The following SPOCK1 variants were observed in gnomAD, a reference collection of about 807,000 sequenced individuals.
SPOCK1 encodes testican-1.
SPOCK1 carries 23 observed loss-of-function variants against 55.3 expected under a neutral mutation model. The observed-to-expected ratio is 0.42, with a 90% CI of 0.30 to 0.59. The LOEUF is 0.59. SPOCK1 is among the 20% of genes least tolerant of loss of function. SPOCK1 has a pLI of 0.22. For missense variants in SPOCK1, 499 were observed against 552.5 expected (o/e 0.90, Z 0.97); for synonymous variants, 226 against 221.0 (o/e 1.02, Z -0.20).
rs148074382 is a variant in SPOCK1 at position 137,388,638 on chromosome 5, A to T, written c.186+109735T>A. Among the ~76,000 whole-genome samples, 373 of 152,182 alleles carry T rather than the reference A, an allele frequency of 2.5e-3. 4 individuals are homozygous for T. The highest frequency in any genetic ancestry group is 8.2e-3 in the African/African-American group (342 of 41,532). On this transcript the variant is annotated intron_variant, in intron 2 of 10. Coordinates refer to ENST00000394945, the MANE Select transcript of SPOCK1 (RefSeq NM_004598.4). ...CACCCCTCCAGTTCAGCTCAACAGC[A>T]TGGATGGACACTCTCACCTTCCAGC...
intron 2 of SPOCK1, among the ~76,000 whole-genome samples, chr5:137,470,279 T>C (rs1753708555): frequency 6.6e-6 from 1 of 152,248 alleles, no homozygotes; most frequent in African/African-American, 2.4e-5. Flanking sequence ...AACATACTTT[T>C]AAATTTTTGC....
intron 2 of SPOCK1, among the ~76,000 whole-genome samples, chr5:137,468,289 T>C (rs762098623): frequency 1.3e-5 from 2 of 152,196 alleles, no homozygotes; most frequent in Admixed American, 6.5e-5. Flanking sequence ...AAAATAAAGA[T>C]GCTTTTCTTT....
chr5:137,452,846 T>C (rs1753284425), intron 2 of SPOCK1, among the ~76,000 whole-genome samples: 2 of 152,172 alleles, frequency 1.3e-5, no homozygotes, highest in Non-Finnish European at 1.5e-5. Flanking sequence ...TCTCAAGAAA[T>C]ATACATTAAA....
intron 5 of SPOCK1, among the ~76,000 whole-genome samples, chr5:137,104,101 A>T (rs1431844894): frequency 6.6e-6 from 1 of 152,164 alleles, no homozygotes; most frequent in African/African-American, 2.4e-5. Context: ...TTCCCACCCA[A>T]ATCTCCTGTT....
chr5:137,424,341 A>C (rs1752563803), intron 2 of SPOCK1, among the ~76,000 whole-genome samples: 1 of 152,228 alleles, frequency 6.6e-6, no homozygotes, highest in Non-Finnish European at 1.5e-5. Flanking sequence ...TGATCATGCC[A>C]CTGCACTCCA....
At chr5:137,282,943 C>T (rs898060260) in intron 2 of SPOCK1, among the ~76,000 whole-genome samples, 2 of 152,234 alleles carry the variant, frequency 1.3e-5, no homozygotes, top group African/African-American at 4.8e-5. Context: ...GCATTAGGTG[C>T]TTAGACCTTT....
At chr5:137,262,749 C>T (rs1466635782) in intron 3 of SPOCK1, among the ~76,000 whole-genome samples, 1 of 152,076 alleles carries the variant, frequency 6.6e-6, no homozygotes. Flanking sequence ...AGTGTAGCTC[C>T]GAGAGCTTCA....
intron 6 of SPOCK1, among the ~76,000 whole-genome samples, chr5:136,999,038 G>C (rs1330162769): frequency 6.6e-6 from 1 of 152,134 alleles, no homozygotes; most frequent in African/African-American, 2.4e-5. Flanking sequence ...CTCTCCACCT[G>C]GCCACCTTTG....
chr5:137,471,968 G>A (rs1753746322), intron 2 of SPOCK1, among the ~76,000 whole-genome samples: 1 of 152,138 alleles, frequency 6.6e-6, no homozygotes, highest in African/African-American at 2.4e-5. Flanking sequence ...GCGCAGGAGA[G>A]GAGAACAGAG....
chr5:137,111,750 C>T (rs186992681), intron 5 of SPOCK1, among the ~76,000 whole-genome samples: 19 of 152,218 alleles, frequency 1.2e-4, no homozygotes, highest in African/African-American at 3.9e-4. Context: ...GGTGAAATGC[C>T]CCTCTAGAAG....
chr5:137,108,598 C>G (rs1169299631), intron 5 of SPOCK1, among the ~76,000 whole-genome samples: 2 of 152,150 alleles, frequency 1.3e-5, no homozygotes, highest in African/African-American at 4.8e-5. Context: ...TTCGGTATAT[C>G]CTACACGGAA....
chr5:137,344,701 G>T (rs1312919461), intron 2 of SPOCK1, among the ~76,000 whole-genome samples: 1 of 152,220 alleles, frequency 6.6e-6, no homozygotes, highest in Non-Finnish European at 1.5e-5. Context: ...CTGCTGTCAA[G>T]CAATGGTTTT....
intron 3 of SPOCK1, among the ~76,000 whole-genome samples, chr5:137,176,795 T>C (rs1015596474): frequency 1.1e-4 from 16 of 152,154 alleles, no homozygotes; most frequent in African/African-American, 3.6e-4. Context: ...AAGCGGTATC[T>C]AGTTGATGAA....
At chr5:137,481,291 A>G (rs774120380) in intron 2 of SPOCK1, among the ~76,000 whole-genome samples, 1 of 152,158 alleles carries the variant, frequency 6.6e-6, no homozygotes, top group Non-Finnish European at 1.5e-5. Flanking sequence ...TATTACAGCT[A>G]TTTACCTGTT....
chr5:137,388,722 A>C (rs1009321161), intron 2 of SPOCK1, among the ~76,000 whole-genome samples: 1 of 152,178 alleles, frequency 6.6e-6, no homozygotes, highest in African/African-American at 2.4e-5. Flanking sequence ...ACCGAACTAG[A>C]AGCTTTTAGC....
chr5:137,200,988 AAC>A (rs1441527761), intron 3 of SPOCK1, among the ~76,000 whole-genome samples: 1 of 152,212 alleles, frequency 6.6e-6, no homozygotes, highest in Admixed American at 6.5e-5. Flanking sequence ...TCTGTTTTAC[AAC>A]ACAGCCGGGG....
chr5:136,983,619 C>CAAAA (rs11364379), intron 9 of SPOCK1, among the ~76,000 whole-genome samples: 4 of 135,342 alleles, frequency 3.0e-5, no homozygotes, highest in Non-Finnish European at 3.2e-5. Flanking sequence ...CTCCTTGGAC[C>CAAAA]AAAAAAAAAA....
chr5:137,271,387 T>A (rs1239849216), intron 2 of SPOCK1, among the ~76,000 whole-genome samples: 1 of 148,744 alleles, frequency 6.7e-6, no homozygotes. Flanking sequence ...ATTTTATATA[T>A]AATATATATT....
At chr5:137,213,706 C>T (rs1755660604) in intron 3 of SPOCK1, among the ~76,000 whole-genome samples, 1 of 152,180 alleles carries the variant, frequency 6.6e-6, no homozygotes, top group African/African-American at 2.4e-5. Context: ...AATAGGGGAA[C>T]AATACCTCCT....
Sources: gnomAD v4.1 joint callset for allele counts (sites outside exome capture counted in the v4.1 genomes callset) on GRCh38, gnomAD v4.1.1 for gene constraint, MANE v1.5 for transcripts, NCBI Gene and HGNC (gene_info 2026-07-23, HGNC 2026-07-21) for gene names.